The following TRHDE variants were observed in gnomAD, a reference collection of about 807,000 sequenced individuals.
TRHDE encodes the protein thyrotropin releasing hormone degrading enzyme, also known as thyrotropin-releasing hormone-degrading ectoenzyme.
Under a neutral mutation model 125.7 loss-of-function variants are expected in TRHDE, and 72 were observed. That is an observed-to-expected ratio of 0.57 (90% CI 0.47 to 0.70). TRHDE has a LOEUF of 0.70. TRHDE is among the 30% of genes least tolerant of loss of function. The pLI is 0.00. For missense variants in TRHDE, 1,110 were observed against 1,327.1 expected (o/e 0.84, Z 2.54); for synonymous variants, 509 against 509.1 (o/e 1.00, Z 0.00).
chr12:72,192,535 A>T (rs1266797167), intron 2 of TRHDE, among the ~76,000 whole-genome samples: 2 of 152,112 alleles, frequency 1.3e-5, no homozygotes, highest in Non-Finnish European at 2.9e-5. Context: ...GCACTGACAG[A>T]GTTTGAACTC....
At chr12:72,189,967 A>G (rs773856305) in intron 2 of TRHDE, among the ~76,000 whole-genome samples, 3 of 152,174 alleles carry the variant, frequency 2.0e-5, no homozygotes, top group Non-Finnish European at 4.4e-5. Context: ...CCGAATAGGT[A>G]CTACACGCAT....
At chr12:72,464,836 T>G (rs551036794) in intron 3 of TRHDE, among the ~76,000 whole-genome samples, 1 of 152,148 alleles carries the variant, frequency 6.6e-6, no homozygotes. Flanking sequence ...CAAATTATAG[T>G]GCATTGAGGG....
intron 3 of TRHDE, among the ~76,000 whole-genome samples, chr12:72,464,176 T>C (rs1398016876): frequency 6.6e-6 from 1 of 152,166 alleles, no homozygotes; most frequent in Non-Finnish European, 1.5e-5. Flanking sequence ...CATCTAGTGC[T>C]CAAAGAGAGC....
chr12:72,324,217 T>G (rs1222950572), intron 2 of TRHDE, among the ~76,000 whole-genome samples: 2 of 152,030 alleles, frequency 1.3e-5, no homozygotes, highest in Non-Finnish European at 2.9e-5. Context: ...TAACATCAAT[T>G]TAAAACTGAC....
chr12:72,378,327 A>G (rs1175865055), intron 3 of TRHDE, among the ~76,000 whole-genome samples: 2 of 152,220 alleles, frequency 1.3e-5, no homozygotes, highest in African/African-American at 2.4e-5. Context: ...ATAGGAATTA[A>G]GAAAGGCATT....
At chr12:72,188,531 T>C (rs1457242371) in intron 2 of TRHDE, among the ~76,000 whole-genome samples, 2 of 152,228 alleles carry the variant, frequency 1.3e-5, no homozygotes, top group African/African-American at 2.4e-5. Context: ...TCAAGAGCAC[T>C]GTAGGCTACA....
intron 2 of TRHDE, among the ~76,000 whole-genome samples, chr12:72,164,791 G>C (rs1441321259): frequency 2.6e-5 from 4 of 152,074 alleles, no homozygotes; most frequent in Non-Finnish European, 5.9e-5. Context: ...CCAAAACTCG[G>C]GGCCTCAATC....
chr12:72,361,563 T>A (rs879264431), intron 2 of TRHDE, among the ~76,000 whole-genome samples: 6 of 151,082 alleles, frequency 4.0e-5, no homozygotes, highest in South Asian at 2.1e-4. Context: ...ATTTTTTTTT[T>A]ATTTTATTAT....
chr12:72,302,085 AC>A (rs1868270305), intron 2 of TRHDE, among the ~76,000 whole-genome samples: 1 of 152,140 alleles, frequency 6.6e-6, no homozygotes, highest in South Asian at 2.1e-4. Flanking sequence ...TTCGTGAAGT[AC>A]GTTCATTTAT....
chr12:72,295,962 G>T (rs572330394), intron 2 of TRHDE, among the ~76,000 whole-genome samples: 1 of 152,218 alleles, frequency 6.6e-6, no homozygotes, highest in South Asian at 2.1e-4. Context: ...TCCTACCCTA[G>T]GAAGTGATAG....
intron 2 of TRHDE, among the ~76,000 whole-genome samples, chr12:72,240,348 T>C (rs1452813445): frequency 6.7e-6 from 1 of 148,748 alleles, no homozygotes; most frequent in Non-Finnish European, 1.5e-5. Flanking sequence ...TATATATATA[T>C]TTGTGTATAT....
intron 9 of TRHDE, among the ~76,000 whole-genome samples, chr12:72,564,933 TG>T (rs1157161108): frequency 6.6e-6 from 1 of 152,090 alleles, no homozygotes; most frequent in Admixed American, 6.6e-5. Context: ...CCCAAAGTGC[TG>T]GGATTACAGG....
intron 15 of TRHDE, among the ~76,000 whole-genome samples, chr12:72,640,105 C>T (rs536679390): frequency 7.2e-5 from 11 of 152,200 alleles, no homozygotes; most frequent in Admixed American, 3.9e-4. Flanking sequence ...CCCCCAGCCT[C>T]GCTGCCGCCT....
chr12:72,378,437 C>G (rs1263261394), intron 3 of TRHDE, among the ~76,000 whole-genome samples: 4 of 152,102 alleles, frequency 2.6e-5, no homozygotes, highest in Non-Finnish European at 5.9e-5. Context: ...ATCAGTAAAA[C>G]TACCATGAGG....
At chr12:72,622,089 T>C (rs554915307) in intron 15 of TRHDE, among the ~76,000 whole-genome samples, 1 of 152,240 alleles carries the variant, frequency 6.6e-6, no homozygotes, top group South Asian at 2.1e-4. Context: ...AGGTTCTTTA[T>C]AAAGGTTGTG....
chr12:72,413,917 T>C (rs1873622387), intron 3 of TRHDE, among the ~76,000 whole-genome samples: 1 of 152,118 alleles, frequency 6.6e-6, no homozygotes, highest in African/African-American at 2.4e-5. Flanking sequence ...AATTGTGTGA[T>C]ATTAGATCAC....
intron 3 of TRHDE, among the ~76,000 whole-genome samples, chr12:72,418,106 A>G (rs1873805672): frequency 6.6e-6 from 1 of 152,068 alleles, no homozygotes; most frequent in Non-Finnish European, 1.5e-5. Flanking sequence ...TAACCAGCAG[A>G]GAGTTTGTTG....
At chr12:72,394,995 C>G (rs1275899843) in intron 3 of TRHDE, among the ~76,000 whole-genome samples, 1 of 152,150 alleles carries the variant, frequency 6.6e-6, no homozygotes, top group African/African-American at 2.4e-5. Context: ...TGTGGAATGT[C>G]TAAGTCTAAT....
chr12:72,122,802 C>T (rs1006761516), intron 2 of TRHDE, among the ~76,000 whole-genome samples: 5 of 151,880 alleles, frequency 3.3e-5, no homozygotes, highest in African/African-American at 9.7e-5. Flanking sequence ...ATATCTTTTT[C>T]GTTTTATTCA....
Sources: allele counts gnomAD v4.1 joint callset (sites outside exome capture counted in the v4.1 genomes callset), GRCh38; gene constraint gnomAD v4.1.1; transcripts MANE v1.5; gene names NCBI Gene and HGNC (gene_info 2026-07-23, HGNC 2026-07-21).